Variants in KIF21A observed in about 807,000 individuals in gnomAD.
KIF21A encodes the protein kinesin-like protein KIF21A.
A neutral mutation model predicts 202.9 loss-of-function variants in KIF21A; 114 were observed. The ratio of observed to expected loss-of-function variants is 0.56; its 90% CI spans 0.48 to 0.66. KIF21A has a LOEUF of 0.66. Among genes scored for constraint, KIF21A ranks in the 30% least tolerant of loss-of-function variants. The pLI is 0.00. For synonymous variants in KIF21A, 667 were observed against 670.8 expected, an observed-to-expected ratio of 0.99 and a Z score of 0.09; for missense variants, 1,677 against 1,994.9, an observed-to-expected ratio of 0.84 and a Z score of 3.04.
intron 1 of KIF21A, among the ~76,000 whole-genome samples, chr12:39,438,465 T>C (rs1215486219): frequency 6.6e-6 from 1 of 152,172 alleles, no homozygotes; most frequent in Non-Finnish European, 1.5e-5. Flanking sequence ...AAAAGTATAG[T>C]GAGCTCACAT....
chr12:39,371,399 C>T (rs2139211214), intron 1 of KIF21A, among the ~76,000 whole-genome samples: 1 of 152,326 alleles, frequency 6.6e-6, no homozygotes, highest in South Asian at 2.1e-4. Flanking sequence ...TTGAATCCAA[C>T]ACCATCCTAT....
rs1199818833 is a variant in KIF21A at position 39,436,422 on chromosome 12, TTATATATATATA to T, written c.44+6493_44+6504del. Among the ~76,000 whole-genome samples, 15 of 99,116 alleles carry T rather than the reference TTATATATATATA, an allele frequency of 1.5e-4. 1 individual carries two copies. Among genetic ancestry groups the T allele is most frequent in the Non-Finnish European group, 2.6e-4 (14 of 53,582 alleles). The allele number at this position is 99,116 out of a possible 152,430, so 65.0% of individuals were successfully genotyped here. A position where few individuals can be genotyped will look rare whatever the true frequency, so the allele number is the denominator to read the frequency against. On this transcript the variant is annotated intron_variant, in intron 1 of 37. Transcript: ENST00000361418. ...TCAATAATTATAAGGGTTTACTATATTATATATATATATATATATATATATATTTTTTTTTTT... is the reference window on the plus strand; with the variant it reads ...TCAATAATTATAAGGGTTTACTATATTATATATATATATATTTTTTTTTTT...
intron 1 of KIF21A, among the ~76,000 whole-genome samples, chr12:39,395,333 T>G (rs1196402937): frequency 6.6e-6 from 1 of 152,176 alleles, no homozygotes; most frequent in Non-Finnish European, 1.5e-5. Flanking sequence ...AGAATTGTTC[T>G]ATCCTCTGCC....
intron 2 of KIF21A, 36 bp from the exon 3 acceptor site, chr12:39,369,947 C>T (rs779912414): frequency 1.3e-6 from 2 of 1,599,956 alleles, no homozygotes; most frequent in East Asian, 2.2e-5. Flanking sequence ...AGTGTTCAAC[C>T]TTAACATAAC....
chr12:39,387,161 TACACACACACACACAC>T (rs3036323), intron 1 of KIF21A, among the ~76,000 whole-genome samples: 395 of 138,240 alleles, frequency 2.9e-3, no homozygotes, highest in Admixed American at 4.3e-3. Context: ...ATGCAGTAGT[TACACACACACACACAC>T]ACACACACAC....
At chr12:39,422,988 T>C (rs1954426701) in intron 1 of KIF21A, among the ~76,000 whole-genome samples, 1 of 152,250 alleles carries the variant, frequency 6.6e-6, no homozygotes, top group Non-Finnish European at 1.5e-5. Context: ...ATTTCCTCAT[T>C]CATAAAGTGA....
intron 19 of KIF21A, 35 bp downstream of exon 19, chr12:39,332,855 CAAG>C (rs1318262994): frequency 2.5e-6 from 4 of 1,609,996 alleles, no homozygotes; most frequent in Non-Finnish European, 3.4e-6. Flanking sequence ...TATTAACGGC[CAAG>C]AAGATTACAT....
At chr12:39,298,233 A>C (rs1942602988) in intron 37 of KIF21A, among the ~76,000 whole-genome samples, 1 of 152,208 alleles carries the variant, frequency 6.6e-6, no homozygotes, top group Admixed American at 6.5e-5. Flanking sequence ...GCAGAGAATC[A>C]CAGGAGCACT....
intron 1 of KIF21A, among the ~76,000 whole-genome samples, chr12:39,379,697 C>T (rs1284881304): frequency 3.9e-5 from 6 of 152,094 alleles, no homozygotes; most frequent in Admixed American, 3.3e-4. Context: ...GTCCTGATTC[C>T]TTCCCTGCCA....
rs1263061857 is a variant in KIF21A, at chr12:39,442,301, C to T, written c.44+626G>A. On this transcript the variant is annotated intron_variant, in intron 1 of 37. Transcript: ENST00000361418. This position sits in a 1 kb window ranked among gnomAD's most constrained non-coding sequence, Gnocchi z 5.0. ...TGGATTTTACCTTAAATTCCACTCC[C>T]ATTCCAACACCCAAGAGGCTAGATC... Among the ~76,000 whole-genome samples the T allele has an allele frequency of 6.6e-6, 1 of 152,164 alleles. No individual in the cohort carries two copies. The highest frequency in any genetic ancestry group is 6.5e-5 in the Admixed American group (1 of 15,284).
rs1435632766 is a variant in KIF21A at position 39,309,642 on chromosome 12, T to C, written c.4221A>G (p.Thr1407=). ...NYTSLVFTVS[T]SYIKVWDIRD... is the part of the protein sequence containing the mutation. ...TGATATCCCACACCTTAATATAAGA[T>C]GTTGATACAGTGAAGACCAAACTGG... is the stretch of plus-strand genomic sequence containing the variant. The change falls in exon 33 of 38, where the codon ACA becomes ACG. Residue 1407 remains threonine (T), a synonymous_variant. Transcript: ENST00000361418. 2.5e-6 allele frequency: 4 copies of C among 1,613,164 alleles called. No homozygotes were observed. The African/African-American group carries it at 4.0e-5, about 16-fold the overall frequency.
chr12:39,409,835 CTTT>C (rs755068673), intron 1 of KIF21A, among the ~76,000 whole-genome samples: 1 of 134,816 alleles, frequency 7.4e-6, no homozygotes, highest in Non-Finnish European at 1.6e-5. Flanking sequence ...AAGAAGCTGG[CTTT>C]TTTTTTTTTT....
At chr12:39,326,371 T>C (rs1256056836) in intron 24 of KIF21A, 47 bp from the exon 25 acceptor site, 1 of 1,331,736 alleles carries the variant, frequency 7.5e-7, no homozygotes, top group African/African-American at 1.4e-5. Flanking sequence ...ATGTCACAGT[T>C]TGAATGGTGA....
At chr12:39,309,951 G>A (rs1943861965) in intron 32 of KIF21A, among the ~76,000 whole-genome samples, 185 bp from the exon 33 acceptor site, 1 of 152,064 alleles carries the variant, frequency 6.6e-6, no homozygotes, top group African/African-American at 2.4e-5. Context: ...CAAGGTATGT[G>A]TAAAGGATCA....
intron 1 of KIF21A, among the ~76,000 whole-genome samples, chr12:39,420,648 G>T (rs1401580882): frequency 3.3e-5 from 5 of 152,092 alleles, no homozygotes; most frequent in African/African-American, 1.2e-4. Flanking sequence ...AGTCAGGATG[G>T]AGCTAAATGG....
At chr12:39,394,761 C>A (rs1951610178) in intron 1 of KIF21A, among the ~76,000 whole-genome samples, 1 of 152,130 alleles carries the variant, frequency 6.6e-6, no homozygotes, top group African/African-American at 2.4e-5. Flanking sequence ...ATTCTCACAG[C>A]GACCTAATAT....
At chr12:39,420,035 G>A (rs998785913) in intron 1 of KIF21A, among the ~76,000 whole-genome samples, 4 of 142,254 alleles carry the variant, frequency 2.8e-5, no homozygotes, top group Non-Finnish European at 6.0e-5. Context: ...CAGAGAAATG[G>A]CAACTGCTTC....
chr12:39,342,097 G>A lies in KIF21A; in HGVS notation c.1740C>T (p.Asp580=). ...TTTCTTCTTTCTTCTCTTGGTCAGT[G>A]TCTGTATTATCCTCTTTACCAGCCA... ...RSVAGKEDNT[D]TDQEKKEEKG... The change falls in exon 13 of 38, where the codon GAC becomes GAT. Residue 580 remains aspartate (D), a synonymous_variant. Coordinates refer to ENST00000361418, the MANE Select transcript of KIF21A (RefSeq NM_001173464.2). 1.2e-6 allele frequency: 2 copies of A among 1,611,034 alleles called. No homozygotes were observed. The highest frequency in any genetic ancestry group is 1.7e-5 in the Admixed American group (1 of 59,932).
rs148219826 is a variant in KIF21A at position 39,339,403 on chromosome 12, A to T, written c.2310+762T>A. ...CTGTACAGGTTTGTAGCCTAGGAGC[A>T]ACAGGCTATACCACATAGCCTAGGT... is the stretch of plus-strand genomic sequence containing the variant. On this transcript the variant is annotated intron_variant, in intron 16 of 37. Transcript: ENST00000361418. Among the ~76,000 whole-genome samples, 821 of 152,260 alleles carry T rather than the reference A, an allele frequency of 5.4e-3. 10 individuals carry two copies. Among genetic ancestry groups the T allele is most frequent in the African/African-American group, 0.018 (767 of 41,546 alleles).
Sources: gnomAD v4.1 joint callset for allele counts (sites outside exome capture counted in the v4.1 genomes callset) on GRCh38, gnomAD v4.1.1 for gene constraint, Gnocchi (gnomAD v3.1) non-coding constraint, MANE v1.5 for transcripts, NCBI Gene and HGNC (gene_info 2026-07-23, HGNC 2026-07-21) for gene names.